Variants in GRIN2A observed in about 807,000 individuals in gnomAD.
GRIN2A encodes the protein glutamate ionotropic receptor NMDA type subunit 2A, also known as glutamate receptor ionotropic, NMDA 2A.
A neutral mutation model predicts 113.4 loss-of-function variants in GRIN2A; 22 were observed. The ratio of observed to expected loss-of-function variants is 0.19; its 90% CI spans 0.14 to 0.28. The LOEUF (loss-of-function observed/expected upper bound fraction) is 0.28. GRIN2A is among the 10% of genes least tolerant of loss of function. The pLI is 1.00. For synonymous variants in GRIN2A, 827 were observed against 738.4 expected, an observed-to-expected ratio of 1.12 and a Z score of -1.94; for missense variants, 1,502 against 1,887.0, an observed-to-expected ratio of 0.80 and a Z score of 3.78.
intron 4 of GRIN2A, among the ~76,000 whole-genome samples, chr16:9,857,202 A>G (rs183617282): frequency 2.8e-3 from 421 of 152,328 alleles, no homozygotes; most frequent in African/African-American, 8.5e-3. Context: ...GCAATATTAC[A>G]ATTACATGTC....
intron 2 of GRIN2A, among the ~76,000 whole-genome samples, chr16:10,178,214 T>C (rs1390717149): frequency 6.6e-6 from 1 of 152,190 alleles, no homozygotes; most frequent in Non-Finnish European, 1.5e-5. Flanking sequence ...TTTAGAAGAT[T>C]GGCCCCTCCC....
intron 4 of GRIN2A, among the ~76,000 whole-genome samples, chr16:9,861,470 C>G (rs769778738): frequency 2.6e-5 from 4 of 152,136 alleles, no homozygotes; most frequent in Non-Finnish European, 5.9e-5. Context: ...ACAAACAAAC[C>G]GATCACAGGT....
chr16:10,028,934 A>G (rs962765121), intron 2 of GRIN2A, among the ~76,000 whole-genome samples: 9 of 152,238 alleles, frequency 5.9e-5, no homozygotes, highest in African/African-American at 9.6e-5. Flanking sequence ...TAAGGCATTA[A>G]AATTTTGCAG....
intron 2 of GRIN2A, among the ~76,000 whole-genome samples, chr16:10,073,786 C>T (rs573295579): frequency 2.8e-4 from 43 of 151,332 alleles, no homozygotes; most frequent in Non-Finnish European, 5.3e-4. Flanking sequence ...AACAGTAGCA[C>T]GTGCCTGTAA....
intron 2 of GRIN2A, among the ~76,000 whole-genome samples, chr16:10,167,235 G>T (rs1426210043): frequency 6.6e-6 from 1 of 152,086 alleles, no homozygotes; most frequent in African/African-American, 2.4e-5. Context: ...TTATGAACAC[G>T]CACTCCTCTG....
chr16:10,133,364 T>A (rs920867789), intron 2 of GRIN2A, among the ~76,000 whole-genome samples: 1 of 152,190 alleles, frequency 6.6e-6, no homozygotes, highest in Admixed American at 6.5e-5. Flanking sequence ...TCCCAGCATT[T>A]TGGGAGGCCA....
At chr16:10,178,255 A>T (rs1300818600) in intron 2 of GRIN2A, among the ~76,000 whole-genome samples, 1 of 152,302 alleles carries the variant, frequency 6.6e-6, no homozygotes, top group Middle Eastern at 3.4e-3. Flanking sequence ...GTGATTCATC[A>T]TAGCTCTCCA....
chr16:9,992,369 G>C (rs1322731851), intron 2 of GRIN2A, among the ~76,000 whole-genome samples: 1 of 152,170 alleles, frequency 6.6e-6, no homozygotes, highest in Admixed American at 6.5e-5. Context: ...GATGGAACAG[G>C]GAAGACAGAT....
chr16:9,799,395 C>G (rs1004336769), intron 10 of GRIN2A, among the ~76,000 whole-genome samples: 1 of 152,198 alleles, frequency 6.6e-6, no homozygotes, highest in African/African-American at 2.4e-5. Flanking sequence ...GGAACAGATC[C>G]CTCCCTGGAG....
At chr16:10,126,624 C>T (rs981829378) in intron 2 of GRIN2A, among the ~76,000 whole-genome samples, 1 of 152,060 alleles carries the variant, frequency 6.6e-6, no homozygotes, top group Non-Finnish European at 1.5e-5. Context: ...ATTTGTAAGT[C>T]ATCTTTGTGC....
intron 2 of GRIN2A, among the ~76,000 whole-genome samples, chr16:10,003,435 C>T (rs559680368): frequency 7.2e-5 from 11 of 152,182 alleles, no homozygotes; most frequent in African/African-American, 2.6e-4. Flanking sequence ...CAGGAAAAAG[C>T]TGGATAGGCC....
intron 2 of GRIN2A, among the ~76,000 whole-genome samples, chr16:10,178,862 C>T (rs941375453): frequency 3.3e-5 from 5 of 152,214 alleles, no homozygotes; most frequent in African/African-American, 1.2e-4. Flanking sequence ...CTCCTGCCAT[C>T]TAAGGAACAC....
chr16:10,027,105 A>T (rs1301064650), intron 2 of GRIN2A, among the ~76,000 whole-genome samples: 1 of 152,210 alleles, frequency 6.6e-6, no homozygotes, highest in Non-Finnish European at 1.5e-5. Flanking sequence ...CAAAGAAGAC[A>T]GGTTTGTTGA....
chr16:9,913,058 T>C (rs999764133), intron 3 of GRIN2A, among the ~76,000 whole-genome samples: 2 of 152,244 alleles, frequency 1.3e-5, no homozygotes, highest in African/African-American at 4.8e-5. Context: ...ATGATTTCTC[T>C]CCACTTCTTT....
intron 2 of GRIN2A, among the ~76,000 whole-genome samples, chr16:10,070,808 T>C (rs1004220858): frequency 1.3e-5 from 2 of 152,200 alleles, no homozygotes; most frequent in South Asian, 2.1e-4. Flanking sequence ...ACGCAGACCA[T>C]CTGGACCGCT....
chr16:9,804,597 G>A lies in GRIN2A; in HGVS notation c.2169-6133C>T, dbSNP rs143687847. ...TGTGATGAGGACAGAGACACCATCT[G>A]ACACACTGGGGTCCATGCCACCTTT... On this transcript the variant is annotated intron_variant, in intron 10 of 12. Coordinates refer to ENST00000330684, the MANE Select transcript of GRIN2A (RefSeq NM_001134407.3). Among the ~76,000 whole-genome samples the A allele has an allele frequency of 8.2e-3, 1,244 of 152,138 alleles. 7 individuals are homozygous for A. The highest frequency in any genetic ancestry group is 0.014 in the Middle Eastern group (4 of 294).
At chr16:9,782,727 A>G (rs937688784) in intron 11 of GRIN2A, among the ~76,000 whole-genome samples, 9 of 152,238 alleles carry the variant, frequency 5.9e-5, no homozygotes, top group Non-Finnish European at 1.2e-4. Flanking sequence ...CAACAGGCCC[A>G]TTAGGGAATT....
rs151142863 is a variant in GRIN2A at position 10,044,283 on chromosome 16, C to T, written c.415-105732G>A. 1.0e-2 allele frequency among the ~76,000 whole-genome samples: 1,517 copies of T among 152,048 alleles called. 26 individuals are homozygous for T. Among genetic ancestry groups the T allele is most frequent in the African/African-American group, 0.035 (1,444 of 41,448 alleles). On this transcript the variant is annotated intron_variant, in intron 2 of 12. Transcript: ENST00000330684. The stretch of plus-strand genomic sequence containing the variant: ...TCCTGACCTCGTGATCCACCCACCT[C>T]GGCCTCCCAAAGTGCTGGGATTACG...
At position 10,153,514 on chromosome 16, in the gene GRIN2A, G is replaced by A. The variant is rs2142301029; in HGVS notation, c.414+26484C>T. ...AGAAAAGCTAATTTTCATTTTTATA[G>A]GTATTTTATAAACATTTTTCTAAAC... is the stretch of plus-strand genomic sequence containing the variant. On this transcript the variant is annotated intron_variant, in intron 2 of 12. Transcript: ENST00000330684. Among the ~76,000 whole-genome samples the A allele has an allele frequency of 3.3e-5, 5 of 152,236 alleles. No homozygotes were observed. The South Asian group carries it at 1.0e-3, about 32-fold the overall frequency.
Sources: allele counts gnomAD v4.1 joint callset (sites outside exome capture counted in the v4.1 genomes callset), GRCh38; gene constraint gnomAD v4.1.1; transcripts MANE v1.5; gene names NCBI Gene and HGNC (gene_info 2026-07-23, HGNC 2026-07-21).